DNAJB13: variants seen among roughly 807,000 people sequenced by gnomAD.
DNAJB13 encodes the protein dnaJ homolog subfamily B member 13.
DNAJB13 carries 22 observed loss-of-function variants against 35.6 expected under a neutral mutation model. The observed-to-expected ratio is 0.62, with a 90% confidence interval of 0.44 to 0.88. The LOEUF is 0.88. DNAJB13 is among the 40% of genes least tolerant of loss of function. The probability of loss-of-function intolerance (pLI) is 0.00; values close to 1 mark genes in which losing one functional copy is unlikely to be tolerated. For synonymous variants in DNAJB13, 136 were observed against 144.2 expected (o/e 0.94, Z 0.41); for missense variants, 370 against 384.3 (o/e 0.96, Z 0.31).
At position 73,964,999 on chromosome 11, in the gene DNAJB13, C is replaced by G. The variant is rs746697238; in HGVS notation, c.456C>G (p.Phe152Leu). 10 of 1,600,836 alleles carry G rather than the reference C, an allele frequency of 6.2e-6. No individual in the cohort carries two copies. The highest frequency in any genetic ancestry group is 7.7e-6 in the Non-Finnish European group (9 of 1,175,204). ...TCTACCTGTCCCTGGAGGACTTATTCTTTGGCTGCACCAAAAAAATTAAGA... is the reference window on the plus strand; with the variant it reads ...TCTACCTGTCCCTGGAGGACTTATTGTTTGGCTGCACCAAAAAAATTAAGA... ...RDLYLSLEDL[F>L]FGCTKKIKIS... is the part of the protein sequence containing the mutation. Residue 152 changes from phenylalanine (F) to leucine (L), a missense_variant, in exon 4 of 8, where the codon TTC (phenylalanine) becomes TTG (leucine). By Grantham distance (22) the Phe-to-Leu change is conservative. Coordinates refer to ENST00000339764, the MANE Select transcript of DNAJB13 (RefSeq NM_153614.4).
Position 73,969,232 on chromosome 11 carries a change from C to T in DNAJB13, c.721-14C>T, listed in dbSNP as rs71465904. On this transcript the variant is annotated splice_polypyrimidine_tract_variant and intron_variant, in intron 6 of 7. Coordinates refer to ENST00000339764, the MANE Select transcript of DNAJB13 (RefSeq NM_153614.4). Reference sequence around the variant, plus strand: ...ACCCTCCTCAGCCCCACCTTTGGCCCTGACCCTCCCTAGGCTCTCACCTGC... The same window carrying T: ...ACCCTCCTCAGCCCCACCTTTGGCCTTGACCCTCCCTAGGCTCTCACCTGC... 9.4e-6 allele frequency: 8 copies of T among 853,934 alleles called. No homozygotes were observed. In the Admixed American group the frequency reaches 1.4e-4, roughly 15 times the overall value. The allele number at this position is 853,934 out of a possible 1,614,324, so 52.9% of individuals were successfully genotyped here. A position where few individuals can be genotyped will look rare whatever the true frequency, so the allele number is the denominator to read the frequency against.
chr11:73,956,386 A>G (rs1404313798), intron 1 of DNAJB13, among the ~76,000 whole-genome samples: 1 of 152,160 alleles, frequency 6.6e-6, no homozygotes, highest in Non-Finnish European at 1.5e-5. Context: ...GCAAGAGAGA[A>G]CAGTGAGTGA....
Position 73,970,260 on chromosome 11 carries a change from A to C in DNAJB13, c.*146A>C. 9.7e-7 allele frequency: 1 copy of C among 1,030,080 alleles called. No homozygotes were observed. Among genetic ancestry groups the C allele is most frequent in the Non-Finnish European group, 1.3e-6 (1 of 746,194 alleles). The allele number at this position is 1,030,080 out of a possible 1,614,324, so 63.8% of individuals were successfully genotyped here. A position where few individuals can be genotyped will look rare whatever the true frequency, so the allele number is the denominator to read the frequency against. On this transcript the variant is annotated 3_prime_UTR_variant, in exon 8 of 8. Transcript: ENST00000339764. Reference sequence around the variant, plus strand: ...GCGCAGGGCTTAAACTGACATAATAAAGATCTATTTCCTGTCCTCCAGCTA... The same window carrying C: ...GCGCAGGGCTTAAACTGACATAATACAGATCTATTTCCTGTCCTCCAGCTA...
At chr11:73,952,504 G>A (rs1275063781) in intron 1 of DNAJB13, among the ~76,000 whole-genome samples, 1 of 152,328 alleles carries the variant, frequency 6.6e-6, no homozygotes, top group South Asian at 2.1e-4. Flanking sequence ...CCAGTCATGG[G>A]CCTATTCCTG....
chr11:73,951,230 C>A, intron 1 of DNAJB13, 93 bp downstream of exon 1: 2 of 1,467,166 alleles, frequency 1.4e-6, no homozygotes, highest in Non-Finnish European at 1.9e-6. Context: ...CAGCTTAGCG[C>A]AGACAAGGTA....
intron 2 of DNAJB13, among the ~76,000 whole-genome samples, 162 bp downstream of exon 2, chr11:73,958,582 G>A (rs1226826727): frequency 6.6e-6 from 1 of 152,218 alleles, no homozygotes; most frequent in African/African-American, 2.4e-5. Context: ...GCCTTTCTCA[G>A]TAGAAGCAAG....
Position 73,951,048 on chromosome 11 carries a change from C to A in DNAJB13, c.-22C>A, listed in dbSNP as rs1950574407. The A allele has an allele frequency of 6.2e-7, 1 of 1,613,418 alleles. No homozygotes were observed. The highest frequency in any genetic ancestry group is 1.1e-5 in the South Asian group (1 of 90,994). On this transcript the variant is annotated 5_prime_UTR_variant, in exon 1 of 8. Transcript: ENST00000339764. ...GCTAGAGTCTGAGGACTATCCAGGG[C>A]CTGACTGCCAGCTAGCCAGCCATGG...
intron 2 of DNAJB13, 51 bp downstream of exon 2, chr11:73,958,471 G>A (rs1286194593): frequency 4.9e-6 from 7 of 1,419,374 alleles, no homozygotes; most frequent in Non-Finnish European, 5.9e-6. Context: ...CATTCCTTAA[G>A]TCTCTAGACT....
At chr11:73,958,647 T>C (rs1950830465) in intron 2 of DNAJB13, among the ~76,000 whole-genome samples, 1 of 152,224 alleles carries the variant, frequency 6.6e-6, no homozygotes, top group Non-Finnish European at 1.5e-5. Context: ...TCGCTCATCC[T>C]GGCAGGCAGT....
At chr11:73,953,811 AAC>A (rs1161494413) in intron 1 of DNAJB13, among the ~76,000 whole-genome samples, 1 of 151,662 alleles carries the variant, frequency 6.6e-6, no homozygotes, top group Non-Finnish European at 1.5e-5. Context: ...CATCCTGGCT[AAC>A]ACACTGAAAC....
chr11:73,960,886 A>C (rs1950915164), intron 3 of DNAJB13, among the ~76,000 whole-genome samples: 1 of 152,200 alleles, frequency 6.6e-6, no homozygotes, highest in Non-Finnish European at 1.5e-5. Context: ...ACAGATCTGC[A>C]TAAGATTTCA....
intron 4 of DNAJB13, 62 bp downstream of exon 4, chr11:73,965,097 C>T: frequency 6.7e-7 from 1 of 1,501,870 alleles, no homozygotes; most frequent in Non-Finnish European, 8.9e-7. Context: ...CAGCTGCCTC[C>T]TCCCTTACCT....
At chr11:73,956,286 G>T (rs1316318449) in intron 1 of DNAJB13, among the ~76,000 whole-genome samples, 3 of 152,202 alleles carry the variant, frequency 2.0e-5, no homozygotes, top group Non-Finnish European at 4.4e-5. Flanking sequence ...TGGCACCTGA[G>T]TCGAAAGTTG....
At chr11:73,967,133 G>A (rs1198572927) in intron 5 of DNAJB13, among the ~76,000 whole-genome samples, 3 of 151,772 alleles carry the variant, frequency 2.0e-5, no homozygotes, top group Non-Finnish European at 4.4e-5. Context: ...GATTACAGGC[G>A]TGAGCCACTG....
At chr11:73,963,018 T>C (rs993000973) in intron 3 of DNAJB13, among the ~76,000 whole-genome samples, 3 of 152,162 alleles carry the variant, frequency 2.0e-5, no homozygotes, top group African/African-American at 7.2e-5. Flanking sequence ...GATGAGATAA[T>C]GTTTATGAAA....
intron 1 of DNAJB13, among the ~76,000 whole-genome samples, chr11:73,954,320 C>T (rs1425025117): frequency 1.4e-5 from 2 of 145,964 alleles, no homozygotes; most frequent in East Asian, 2.0e-4. Flanking sequence ...AGTGAGACTT[C>T]GTCTCAAAAA....
intron 6 of DNAJB13, 27 bp downstream of exon 6, chr11:73,968,485 G>C (rs542495803): frequency 1.3e-6 from 2 of 1,596,768 alleles, no homozygotes; most frequent in Non-Finnish European, 1.7e-6. Flanking sequence ...CAGGAGCAGC[G>C]GGGAGGAGAT....
chr11:73,970,108 G>A lies in DNAJB13; in HGVS notation c.945G>A (p.Leu315=). ...AGCAGATGCTGCGCCAGGCATTGCT[G>A]ACATGACTGTGGTGGGCTGGAGCAG... ...QKKQMLRQAL[L]T is the part of the protein sequence containing the mutation. The change falls in exon 8 of 8, where the codon CTG becomes CTA. Residue 315 remains leucine, a synonymous_variant. Coordinates refer to ENST00000339764, the MANE Select transcript of DNAJB13 (RefSeq NM_153614.4). 2 of 1,603,572 alleles carry A rather than the reference G, an allele frequency of 1.2e-6. No individual in the cohort carries two copies. The highest frequency in any genetic ancestry group is 1.3e-5 in the African/African-American group (1 of 74,892).
chr11:73,952,348 G>C (rs909342333), intron 1 of DNAJB13, among the ~76,000 whole-genome samples: 1 of 152,220 alleles, frequency 6.6e-6, no homozygotes, highest in Non-Finnish European at 1.5e-5. Context: ...ATAGGTGTAT[G>C]TTTTGAGTGT....
Sources: gnomAD v4.1 joint callset for allele counts (sites outside exome capture counted in the v4.1 genomes callset) on GRCh38, gnomAD v4.1.1 for gene constraint, MANE v1.5 for transcripts, NCBI Gene and HGNC (gene_info 2026-07-23, HGNC 2026-07-21) for gene names.